SYT8: variants seen among roughly 807,000 people sequenced by gnomAD.
The protein encoded by SYT8 is synaptotagmin-8.
In SYT8, 50 loss-of-function variants were observed where a neutral mutation model predicts 34.9. The observed-to-expected ratio is 1.43, with a 90% CI of 1.14 to 1.81. SYT8 has a LOEUF of 1.81. Among genes scored for constraint, SYT8 ranks in the 40% most tolerant of loss-of-function variants. SYT8 has a pLI of 0.00. For missense variants in SYT8, 595 were observed against 529.0 expected (o/e 1.12, Z -1.22); for synonymous variants, 255 against 234.2 (o/e 1.09, Z -0.81).
At chr11:1,833,815 CGTGTGTGTGTGT>C (rs3837417), upstream of SYT8, 23,942 of 141,716 alleles carry the variant, frequency 0.17, 2,107 homozygotes, top group East Asian at 0.29. Flanking sequence ...TGTGCGCGTG[CGTGTGTGTGTGT>C]GTGTGTGTGT....
In SYT8 at chr11:1,835,133, G is replaced by A. The variant is rs1846829470; in HGVS notation, c.28G>A (p.Ala10Thr). ...GGGGCACCCACCAGTCTCTCCCAGT[G>A]CCCCGGCCCCAGCTGGCACCACAGC... Reference protein sequence around the residue: MGHPPVSPSAPAPAGTTAIP... With the variant: MGHPPVSPSTPAPAGTTAIP... The change falls in exon 1 of 8, where the codon GCC becomes ACC. Residue 10 changes from alanine (A) to threonine (T), a missense_variant. By Grantham distance (58) the Ala-to-Thr change is moderately conservative. Coordinates refer to ENST00000341958, the MANE Select transcript of SYT8 (RefSeq NM_001394072.1). 6.2e-7 allele frequency: 1 copy of A among 1,613,222 alleles called. No homozygotes were observed. Among genetic ancestry groups the A allele is most frequent in the African/African-American group, 1.3e-5 (1 of 74,908 alleles).
At position 1,835,299 on chromosome 11, in the gene SYT8, C is replaced by T. The variant is rs749613977; in HGVS notation, c.98C>T (p.Pro33Leu). 2 of 1,599,188 alleles carry T rather than the reference C, an allele frequency of 1.3e-6. No homozygotes were observed. Among genetic ancestry groups the T allele is most frequent in the Non-Finnish European group, 1.7e-6 (2 of 1,171,268 alleles). ...IPDLVAGTPW[P>L]RWALIAGALA... The stretch of plus-strand genomic sequence containing the variant: ...CTCAGCCTGGCCTCTACCCCAGGGC[C>T]CCGCTGGGCTCTCATTGCCGGCGCC... Residue 33 changes from proline (P) to leucine (L), a missense_variant, in exon 2 of 8, where the codon CCC (proline) becomes CTC (leucine). Physicochemically the swap from Pro to Leu is moderately conservative, Grantham distance 98 (BLOSUM62 -3). Transcript: ENST00000341958.
chr11:1,833,437 G>A (rs1338747557), upstream of SYT8, among the ~76,000 whole-genome samples: 1 of 152,228 alleles, frequency 6.6e-6, no homozygotes, highest in East Asian at 1.9e-4. Flanking sequence ...AACCAAGCAG[G>A]GACCCCTCTG....
chr11:1,835,318 C>G lies in SYT8; in HGVS notation c.117C>G (p.Ala39=). The change falls in exon 2 of 8, where the codon GCC becomes GCG. Residue 39 remains alanine (A), a synonymous_variant. Transcript: ENST00000341958. The part of the protein sequence containing the change: ...GTPWPRWALI[A]GALAAGVLLV... ...CAGGGCCCCGCTGGGCTCTCATTGC[C>G]GGCGCCCTTGCCGCGGGCGTCCTCC... The G allele has an allele frequency of 6.2e-7, 1 of 1,601,062 alleles. No homozygotes were observed. The highest frequency in any genetic ancestry group is 2.2e-5 in the East Asian group (1 of 44,656).
rs750331835 is a variant in SYT8, at chr11:1,836,430, G to T, written c.522G>T (p.Pro174=). 1.9e-6 allele frequency: 3 copies of T among 1,560,042 alleles called. No homozygotes were observed. Among genetic ancestry groups the T allele is most frequent in the East Asian group, 2.3e-5 (1 of 43,154 alleles). The change falls in exon 5 of 8, where the codon CCG becomes CCT. Residue 174 remains proline (P), a synonymous_variant. Coordinates refer to ENST00000341958, the MANE Select transcript of SYT8 (RefSeq NM_001394072.1). ...VFDETCCFHI[P]QAELPGATLQ... ...GGCTCACGCCGCTGCCTCAGATCCC[G>T]CAGGCGGAGCTGCCAGGGGCCACCC...
Position 1,835,300 on chromosome 11 carries a change from C to G in SYT8, c.99C>G (p.Pro33=). The G allele has an allele frequency of 6.3e-7, 1 of 1,599,660 alleles. No homozygotes were observed. The highest frequency in any genetic ancestry group is 8.5e-7 in the Non-Finnish European group (1 of 1,171,550). The change falls in exon 2 of 8, where the codon CCC becomes CCG. Residue 33 remains proline, a synonymous_variant. Transcript: ENST00000341958. ...TCAGCCTGGCCTCTACCCCAGGGCC[C>G]CGCTGGGCTCTCATTGCCGGCGCCC... ...IPDLVAGTPW[P]RWALIAGALA...
In SYT8 at chr11:1,836,548, G is replaced by A; in HGVS notation, c.640G>A (p.Val214Ile). 1 of 1,612,688 alleles carries A rather than the reference G, an allele frequency of 6.2e-7. No individual in the cohort carries two copies. The highest frequency in any genetic ancestry group is 8.5e-7 in the Non-Finnish European group (1 of 1,179,924). The stretch of plus-strand genomic sequence containing the variant: ...ACTGGGCACCGTGGATCTGCAGCAT[G>A]TTCTGGAGCACTGGTACCTGCTGGG... ...LPLGTVDLQH[V>I]LEHWYLLGPP... Residue 214 changes from valine to isoleucine, a missense_variant, in exon 5 of 8, where the codon GTT (valine) becomes ATT (isoleucine). Transcript: ENST00000341958.
At position 1,836,212 on chromosome 11, in the gene SYT8, C is replaced by T. The variant is rs140447843; in HGVS notation, c.444C>T (p.Ala148=). ...CCCGGGTCAGCGTCTCCACCCAGGCCGGACACAGACATGAGACAAAAGTGC... is the reference window on the plus strand; with the variant it reads ...CCCGGGTCAGCGTCTCCACCCAGGCTGGACACAGACATGAGACAAAAGTGC... ...PYARVSVSTQ[A]GHRHETKVHR... The change falls in exon 4 of 8, where the codon GCC becomes GCT. Residue 148 remains alanine, a synonymous_variant. Transcript: ENST00000341958. 4.3e-4 allele frequency: 682 copies of T among 1,590,874 alleles called. 2 individuals carry two copies. The highest frequency in any genetic ancestry group is 5.3e-4 in the Non-Finnish European group (616 of 1,170,004).
Position 1,836,779 on chromosome 11 carries a change from C to T in SYT8, c.708C>T (p.Cys236=). The change falls in exon 6 of 8, where the codon TGC becomes TGT. Residue 236 remains cysteine, a synonymous_variant. Transcript: ENST00000341958. The part of the protein sequence containing the change: ...ATQPEQVGEL[C]FSLRYVPSSG... ...AGCCCGAGCAGGTCGGGGAGCTGTG[C>T]TTCTCTCTCCGGTACGTGCCCAGCT... 1.2e-6 allele frequency: 2 copies of T among 1,610,402 alleles called. No individual in the cohort carries two copies. The highest frequency in any genetic ancestry group is 1.7e-6 in the Non-Finnish European group (2 of 1,179,954).
chr11:1,834,935 C>A, upstream of SYT8: 1 of 669,036 alleles, frequency 1.5e-6, no homozygotes, highest in South Asian at 1.9e-5. The surrounding 1 kb of genome is among the most constrained non-coding windows in gnomAD (Gnocchi z 4.5). Flanking sequence ...CCTTCAGCTT[C>A]CTGCTGCACA....
chr11:1,837,384 GCCCTGCAGC>G lies in SYT8; in HGVS notation c.1121_1129del (p.Leu374_Pro376del). On this transcript the variant is annotated inframe_deletion, in exon 8 of 8. Coordinates refer to ENST00000341958, the MANE Select transcript of SYT8 (RefSeq NM_001394072.1). The stretch of plus-strand genomic sequence containing the variant: ...AGCCAGGGAGGTGGACCGCATGCTG[GCCCTGCAGC>G]CCCGCCTTCGCCTGCGCCTGCCCTT... 1 of 1,603,058 alleles carries G rather than the reference GCCCTGCAGC, an allele frequency of 6.2e-7. No individual in the cohort carries two copies. Among genetic ancestry groups the G allele is most frequent in the South Asian group, 1.1e-5 (1 of 90,964 alleles).
intron 3 of SYT8, 27 bp downstream of exon 3, chr11:1,836,011 G>A (rs764001734): frequency 6.9e-6 from 11 of 1,593,478 alleles, no homozygotes; most frequent in Non-Finnish European, 9.4e-6. Context: ...CGCAGGACCA[G>A]CGGTTCTGCG....
chr11:1,831,830 A>G (rs1260545507), upstream of SYT8: 1 of 453,362 alleles, frequency 2.2e-6, no homozygotes, highest in Non-Finnish European at 4.4e-6. Flanking sequence ...CGAGAGCTGG[A>G]CCCGCCTTCG....
chr11:1,835,883 C>T lies in SYT8; in HGVS notation c.259-3C>T. ...ACCTGCCCCTTGTCCCAACTCACTC[C>T]AGGTGCAACCTGATGTGGATGGCCT... On this transcript the variant is annotated splice_region_variant and splice_polypyrimidine_tract_variant and intron_variant, in intron 2 of 7. Coordinates refer to ENST00000341958, the MANE Select transcript of SYT8 (RefSeq NM_001394072.1). The T allele has an allele frequency of 3.1e-6, 5 of 1,611,584 alleles. No homozygotes were observed. Among genetic ancestry groups the T allele is most frequent in the Non-Finnish European group, 4.2e-6 (5 of 1,178,890 alleles).
At chr11:1,833,874 G>A (rs575917988), upstream of SYT8, 1 of 154,234 alleles carries the variant, frequency 6.5e-6, no homozygotes, top group South Asian at 2.0e-4. Flanking sequence ...CTGGAGTCAT[G>A]GCAGGGTCCC....
chr11:1,837,440 C>T lies in SYT8; in HGVS notation c.*9C>T, dbSNP rs979812405. ...CCTTGCCCCACTCCTGAATGCACCA[C>T]ATGCCTCTGTCTCCCCGCTGAGCCC... On this transcript the variant is annotated 3_prime_UTR_variant, in exon 8 of 8. Coordinates refer to ENST00000341958, the MANE Select transcript of SYT8 (RefSeq NM_001394072.1). 3 of 1,604,644 alleles carry T rather than the reference C, an allele frequency of 1.9e-6. No homozygotes were observed. Among genetic ancestry groups the T allele is most frequent in the Non-Finnish European group, 2.5e-6 (3 of 1,179,074 alleles).
intron 5 of SYT8, 66 bp from the exon 6 acceptor site, chr11:1,836,688 TCG>T: frequency 1.3e-6 from 2 of 1,593,394 alleles, no homozygotes; most frequent in East Asian, 2.2e-5. Context: ...GGCAGCATTT[TCG>T]GGGGTCTGAG....
chr11:1,832,808 C>T (rs982744533), upstream of SYT8, among the ~76,000 whole-genome samples: 2 of 152,148 alleles, frequency 1.3e-5, no homozygotes, highest in Non-Finnish European at 2.9e-5. Context: ...CCAGGCTGGC[C>T]CGGGAGTGCC....
upstream of SYT8, among the ~76,000 whole-genome samples, chr11:1,832,944 C>T (rs1200579023): frequency 3.3e-5 from 5 of 152,226 alleles, no homozygotes; most frequent in Admixed American, 2.6e-4. Flanking sequence ...CACACGCACA[C>T]GCACACATGC....
Sources: allele counts gnomAD v4.1 joint callset (sites outside exome capture counted in the v4.1 genomes callset), GRCh38; gene constraint gnomAD v4.1.1; non-coding constraint Gnocchi (gnomAD v3.1); transcripts MANE v1.5; gene names NCBI Gene and HGNC (gene_info 2026-07-23, HGNC 2026-07-21).